MTFMT: variants seen among roughly 807,000 people sequenced by gnomAD.
The protein encoded by MTFMT is methionyl-tRNA formyltransferase, mitochondrial.
MTFMT carries 47 observed loss-of-function variants against 51.8 expected under a neutral mutation model. The observed-to-expected ratio is 0.91, with a 90% CI of 0.72 to 1.16. The LOEUF is 1.16. Among genes scored for constraint, MTFMT ranks in the 50% most tolerant of loss-of-function variants. The pLI, the probability that MTFMT is intolerant of heterozygous loss-of-function variation, is 0.00. For missense variants in MTFMT, 512 were observed against 482.3 expected, an observed-to-expected ratio of 1.06 and a Z score of -0.58; for synonymous variants, 196 against 176.7, an observed-to-expected ratio of 1.11 and a Z score of -0.87.
rs200615155 is a variant in MTFMT, at chr15:65,006,628, A to C, written c.814-437T>G. ...CCTGACCTCATGATCCGCCCGCCTTAGCCTCCCAAAGTGCTGGGATTACAG... is the reference window on the plus strand; with the variant it reads ...CCTGACCTCATGATCCGCCCGCCTTCGCCTCCCAAAGTGCTGGGATTACAG... On this transcript the variant is annotated intron_variant, in intron 6 of 8. Coordinates refer to ENST00000220058, the MANE Select transcript of MTFMT (RefSeq NM_139242.4). Among the ~76,000 whole-genome samples the C allele has an allele frequency of 8.3e-4, 126 of 152,046 alleles. No homozygotes were observed. In the East Asian group the frequency reaches 0.018, roughly 21 times the overall value.
chr15:65,022,632 A>G (rs2086383671), intron 3 of MTFMT, among the ~76,000 whole-genome samples: 5 of 151,344 alleles, frequency 3.3e-5, no homozygotes, highest in Admixed American at 3.3e-4. Flanking sequence ...TAAAATGTTT[A>G]TTGTGAAAAA....
intron 4 of MTFMT, among the ~76,000 whole-genome samples, 153 bp downstream of exon 4, chr15:65,021,361 C>A (rs2140485794): frequency 6.6e-6 from 1 of 152,336 alleles, no homozygotes; most frequent in African/African-American, 2.4e-5. Flanking sequence ...CATGAGATCA[C>A]AAATGCCAGG....
intron 6 of MTFMT, among the ~76,000 whole-genome samples, chr15:65,006,827 C>T (rs752332371): frequency 6.6e-6 from 1 of 152,104 alleles, no homozygotes; most frequent in Non-Finnish European, 1.5e-5. Flanking sequence ...TTATTCCCAT[C>T]CCTATAGGTA....
intron 8 of MTFMT, among the ~76,000 whole-genome samples, chr15:65,003,561 G>C (rs1272729781): frequency 2.0e-5 from 3 of 151,990 alleles, no homozygotes; most frequent in Non-Finnish European, 4.4e-5. Context: ...TATGTAACAT[G>C]AAATACACAT....
intron 1 of MTFMT, among the ~76,000 whole-genome samples, chr15:65,027,296 C>G (rs553705250): frequency 6.6e-6 from 1 of 151,514 alleles, no homozygotes; most frequent in East Asian, 1.9e-4. Flanking sequence ...CCCCTAGGTT[C>G]AAGCGATTAT....
chr15:65,029,307 C>G, intron 1 of MTFMT, 98 bp downstream of exon 1: 2 of 1,329,840 alleles, frequency 1.5e-6, no homozygotes, highest in Non-Finnish European at 1.9e-6. Context: ...GCCGCCCATG[C>G]TTTCCGCAAC....
chr15:65,029,539 C>T lies in MTFMT; in HGVS notation c.75G>A (p.Gln25=). 6.6e-7 allele frequency: 1 copy of T among 1,517,122 alleles called. No individual in the cohort carries two copies. The highest frequency in any genetic ancestry group is 2.7e-5 in the East Asian group (1 of 37,400). 94.0% of individuals were successfully genotyped at this position (1,517,122 alleles called of 1,614,324 possible). A position where few individuals can be genotyped will look rare whatever the true frequency, so the allele number is the denominator to read the frequency against. The change falls in exon 1 of 9, where the codon CAG becomes CAA. Residue 25 remains glutamine, a synonymous_variant. Transcript: ENST00000220058. ...HGARRGRPSP[Q]WRALARLGWE... ...AGCCGAGTCGGGCCAGTGCTCGCCA[C>T]TGGGGACTCGGCCTCCCACGCCTGG...
intron 6 of MTFMT, among the ~76,000 whole-genome samples, chr15:65,006,667 C>T (rs192094189): frequency 1.8e-4 from 28 of 152,164 alleles, no homozygotes; most frequent in Admixed American, 1.6e-3. Context: ...TGAGCCACCG[C>T]GCCCGGCCGA....
At chr15:65,019,496 C>T (rs973449744) in intron 5 of MTFMT, among the ~76,000 whole-genome samples, 2 of 151,158 alleles carry the variant, frequency 1.3e-5, no homozygotes, top group African/African-American at 4.9e-5. Flanking sequence ...TTTCCAAAAA[C>T]TTTAAGCCTG....
At chr15:65,016,818 T>A (rs2086327025) in intron 5 of MTFMT, among the ~76,000 whole-genome samples, 1 of 151,058 alleles carries the variant, frequency 6.6e-6, no homozygotes. Context: ...TCTTGCCCTG[T>A]CACCCAGGCT....
rs780530646 is a variant in MTFMT at position 65,006,177 on chromosome 15, C to T, written c.828G>A (p.Thr276=). Residue 276 remains threonine, a synonymous_variant, in exon 7 of 9, where the codon ACG becomes ACA. Transcript: ENST00000220058. The part of the protein sequence containing the change: ...RAIGNIIPLQ[T]LWMANTIKLL... ...GTTTAATGGTATTCGCCATCCAGAG[C>T]GTCTGCAACGGAATCTGCAAGTAAA... The T allele has an allele frequency of 8.1e-6, 13 of 1,611,434 alleles. No homozygotes were observed. In the African/African-American group the frequency reaches 1.3e-4, roughly 17 times the overall value.
At position 65,004,931 on chromosome 15, in the gene MTFMT, T is replaced by G. The variant is rs186670294; in HGVS notation, c.898A>C (p.Lys300Gln). 6.8e-6 allele frequency: 11 copies of G among 1,609,624 alleles called. No individual in the cohort carries two copies. The highest frequency in any genetic ancestry group is 9.4e-6 in the Non-Finnish European group (11 of 1,176,342). ...EVNSSVLADPKLTGQALIPGS... is the reference protein window; with the variant it reads ...EVNSSVLADPQLTGQALIPGS... ...GGAATAAGAGCCTGTCCCGTTAATTTTGGATCTGAAGAATGGAAAAAAGAA... is the reference window on the plus strand; with the variant it reads ...GGAATAAGAGCCTGTCCCGTTAATTGTGGATCTGAAGAATGGAAAAAAGAA... Residue 300 changes from lysine (K) to glutamine (Q), a missense_variant, in exon 8 of 9, where the codon AAA becomes CAA. Transcript: ENST00000220058.
At chr15:65,010,867 T>G (rs1463439467) in intron 6 of MTFMT, among the ~76,000 whole-genome samples, 1 of 152,232 alleles carries the variant, frequency 6.6e-6, no homozygotes, top group Non-Finnish European at 1.5e-5. Context: ...TCCACATCCT[T>G]GCCAACACTA....
At chr15:65,003,814 C>G (rs1364565903) in intron 8 of MTFMT, among the ~76,000 whole-genome samples, 1 of 135,110 alleles carries the variant, frequency 7.4e-6, no homozygotes, top group Non-Finnish European at 1.5e-5. Context: ...TGAGATCACA[C>G]CACTACACTC....
intron 2 of MTFMT, among the ~76,000 whole-genome samples, chr15:65,025,900 T>C (rs2086419309): frequency 6.6e-6 from 1 of 152,142 alleles, no homozygotes; most frequent in Non-Finnish European, 1.5e-5. Flanking sequence ...GTTAAATACA[T>C]TTTGACAACT....
In MTFMT at chr15:65,020,276, C is replaced by CAA. The variant is rs372515409; in HGVS notation, c.646-6_646-5dup. On this transcript the variant is annotated splice_polypyrimidine_tract_variant and splice_region_variant and intron_variant, in intron 4 of 8. Transcript: ENST00000220058. ...AATTTTTCAAAACTGAAATGAGCTA[C>CAA]AAAAAAAAAAAAAAGAGTGTGATAT... 2,259 of 1,318,348 alleles carry CAA rather than the reference C, an allele frequency of 1.7e-3. No homozygotes were observed. Among genetic ancestry groups the CAA allele is most frequent in the African/African-American group, 4.7e-3 (237 of 50,430 alleles). The allele number at this position is 1,318,348 out of a possible 1,614,324, so 81.7% of individuals were successfully genotyped here.
chr15:65,005,059 CTGA>C (rs2086211054), intron 7 of MTFMT, 123 bp from the exon 8 acceptor site: 9 of 657,076 alleles, frequency 1.4e-5, no homozygotes, highest in Admixed American at 8.4e-5. Context: ...AACACATTTG[CTGA>C]TGTTGACTTT....
In MTFMT at chr15:65,026,918, G is replaced by A. The variant is rs74924128; in HGVS notation, c.332C>T (p.Pro111Leu). 17 of 1,613,916 alleles carry A rather than the reference G, an allele frequency of 1.1e-5. No individual in the cohort carries two copies. Among genetic ancestry groups the A allele is most frequent in the East Asian group, 8.9e-5 (4 of 44,878 alleles). ...ATCATATTCTCCAGATCCCACATCC[G>A]GCCACTCATATACGGGAAGCTGAGA... ...VQSQLPVYEW[P>L]DVGSGEYDVG... Residue 111 changes from proline to leucine, a missense_variant, in exon 2 of 9, where the codon CCG becomes CTG. Transcript: ENST00000220058.
rs942337728 is a variant in MTFMT at position 65,001,917 on chromosome 15, T to A, written c.*1145A>T. 1 of 152,102 alleles carries A rather than the reference T, an allele frequency of 6.6e-6. No homozygotes were observed. The highest frequency in any genetic ancestry group is 1.5e-5 in the Non-Finnish European group (1 of 68,014). The allele number at this position is 152,102 out of a possible 1,614,324, so 9.4% of individuals were successfully genotyped here. On this transcript the variant is annotated 3_prime_UTR_variant, in exon 9 of 9. Transcript: ENST00000220058. ...CTGGATGTAAAATGTTAATTTATAG[T>A]ACAGATCAATGTGGCAGAGATTATT...
Sources: gnomAD v4.1 joint callset for allele counts (sites outside exome capture counted in the v4.1 genomes callset) on GRCh38, gnomAD v4.1.1 for gene constraint, MANE v1.5 for transcripts, NCBI Gene and HGNC (gene_info 2026-07-23, HGNC 2026-07-21) for gene names.